PDZD8: variants seen among roughly 807,000 people sequenced by gnomAD.
PDZD8 encodes the protein PDZ domain containing 8.
In PDZD8, 14 loss-of-function variants were observed where a neutral mutation model predicts 85.8. The ratio of observed to expected loss-of-function variants is 0.16; its 90% CI spans 0.11 to 0.26. PDZD8 has a LOEUF of 0.26. Among genes scored for constraint, PDZD8 ranks in the 10% least tolerant of loss-of-function variants. PDZD8 has a pLI of 1.00. For synonymous variants in PDZD8, 592 were observed against 568.6 expected, an observed-to-expected ratio of 1.04 and a Z score of -0.59; for missense variants, 1,197 against 1,424.3, an observed-to-expected ratio of 0.84 and a Z score of 2.57.
At chr10:117,285,527 C>T (rs1047378249) in intron 4 of PDZD8, 56 bp from the exon 5 acceptor site, 12 of 1,419,998 alleles carry the variant, frequency 8.5e-6, no homozygotes, top group Non-Finnish European at 1.0e-5. Context: ...GAAATTACTA[C>T]ATTTGTTAAA....
At position 117,294,094 on chromosome 10, in the gene PDZD8, G is replaced by GA. The variant is rs1271478392; in HGVS notation, c.1099-3747dup. ...TAGTTTTAAATGCTTATATAGGGGG[G>GA]AAAATCTAAAATTAGTGACCTAAGT... On this transcript the variant is annotated intron_variant, in intron 3 of 4. Coordinates refer to ENST00000334464, the MANE Select transcript of PDZD8 (RefSeq NM_173791.5). Among the ~76,000 whole-genome samples, 4 of 152,096 alleles carry GA rather than the reference G, an allele frequency of 2.6e-5. No individual in the cohort carries two copies. In the East Asian group the frequency reaches 7.7e-4, roughly 29 times the overall value.
intron 1 of PDZD8, among the ~76,000 whole-genome samples, chr10:117,373,425 C>T (rs947235320): frequency 6.6e-6 from 1 of 151,994 alleles, no homozygotes; most frequent in African/African-American, 2.4e-5. Flanking sequence ...GTAAAGTACA[C>T]TATGTACAGG....
Position 117,341,082 on chromosome 10 carries a change from T to A in PDZD8, c.893A>T (p.Tyr298Phe). Residue 298 changes from tyrosine (Y) to phenylalanine (F), a missense_variant, in exon 2 of 5, where the codon TAC becomes TTC. This residue lies in a region of PDZD8 where 344 missense variants were observed against 453.6 expected (regional missense o/e 0.76). Coordinates refer to ENST00000334464, the MANE Select transcript of PDZD8 (RefSeq NM_173791.5). ...TTCTTCAAATCCTTGCAAGGTCTGG[T>A]ATGGAAAAAACGGCTTAAACCTGAC... ...YKIRFKPFFP[Y>F]QTLQGFEEDE... 6.2e-7 allele frequency: 1 copy of A among 1,613,624 alleles called. No individual in the cohort carries two copies. Among genetic ancestry groups the A allele is most frequent in the Non-Finnish European group, 8.5e-7 (1 of 1,179,614 alleles).
Position 117,278,737 on chromosome 10 carries a change from C to T in PDZD8, c.*4531G>A, listed in dbSNP as rs1367154343. On this transcript the variant is annotated 3_prime_UTR_variant, in exon 5 of 5. Transcript: ENST00000334464. Reference sequence around the variant, plus strand: ...CTTATTCTCTAGGAAAGTAACACTTCGTTTCATGAAGCTTTTCTGTGGGGC... The same window carrying T: ...CTTATTCTCTAGGAAAGTAACACTTTGTTTCATGAAGCTTTTCTGTGGGGC... The T allele has an allele frequency of 3.9e-5, 6 of 152,196 alleles. No homozygotes were observed. The highest frequency in any genetic ancestry group is 1.2e-4 in the African/African-American group (5 of 41,460). 9.4% of individuals were successfully genotyped at this position (152,196 alleles called of 1,614,324 possible).
Position 117,375,110 on chromosome 10 carries a change from G to A in PDZD8, c.118C>T (p.Arg40Cys). Reference protein sequence around the residue: ...QPEPPADEAARAGEGFRYIKP... With the variant: ...QPEPPADEAACAGEGFRYIKP... ...ATGTAGCGGAAGCCCTCGCCCGCGCGGGCGGCCTCGTCCGCCGGCGGCTCG... is the reference window on the plus strand; with the variant it reads ...ATGTAGCGGAAGCCCTCGCCCGCGCAGGCGGCCTCGTCCGCCGGCGGCTCG... The change falls in exon 1 of 5, where the codon CGC becomes TGC. Residue 40 changes from arginine to cysteine, a missense_variant. By Grantham distance (180) the Arg-to-Cys change is radical (BLOSUM62 -3). This residue lies in a region of PDZD8 where 172 missense variants were observed against 137.8 expected (regional missense o/e 1.25). Transcript: ENST00000334464. 1 of 1,594,498 alleles carries A rather than the reference G, an allele frequency of 6.3e-7. No individual in the cohort carries two copies. Among genetic ancestry groups the A allele is most frequent in the Non-Finnish European group, 8.5e-7 (1 of 1,175,754 alleles).
chr10:117,341,858 T>C (rs1844619039), intron 1 of PDZD8, among the ~76,000 whole-genome samples: 1 of 152,234 alleles, frequency 6.6e-6, no homozygotes. Flanking sequence ...ATGACTGTAA[T>C]AGCAACATCA....
chr10:117,341,232 A>C, intron 1 of PDZD8, 130 bp from the exon 2 acceptor site: 2 of 932,234 alleles, frequency 2.1e-6, no homozygotes, highest in Non-Finnish European at 3.1e-6. Context: ...TACAAAACCA[A>C]AGCTTACCAC....
chr10:117,370,919 TG>T (rs1845178483), intron 1 of PDZD8, among the ~76,000 whole-genome samples: 1 of 20,508 alleles, frequency 4.9e-5, no homozygotes, highest in Non-Finnish European at 1.2e-4. Flanking sequence ...CAACATAGTT[TG>T]TGTGTGTGTG....
intron 2 of PDZD8, among the ~76,000 whole-genome samples, chr10:117,324,456 A>T (rs183190097): frequency 6.6e-6 from 1 of 152,042 alleles, no homozygotes; most frequent in African/African-American, 2.4e-5. Flanking sequence ...ATTATAATGA[A>T]CTCTCATCAG....
intron 2 of PDZD8, among the ~76,000 whole-genome samples, chr10:117,322,331 C>T (rs1046670634): frequency 6.6e-6 from 1 of 152,104 alleles, no homozygotes; most frequent in Non-Finnish European, 1.5e-5. Context: ...TGCTGCTGAC[C>T]CCCCTTTTGG....
intron 3 of PDZD8, among the ~76,000 whole-genome samples, chr10:117,314,553 A>G (rs1589559938): frequency 6.6e-6 from 1 of 152,210 alleles, no homozygotes; most frequent in Non-Finnish European, 1.5e-5. Context: ...TCAGGGATGC[A>G]TCACTTCTTG....
intron 1 of PDZD8, among the ~76,000 whole-genome samples, chr10:117,345,417 A>C (rs1844687680): frequency 6.6e-6 from 1 of 152,196 alleles, no homozygotes; most frequent in South Asian, 2.1e-4. Flanking sequence ...ATTTGACTGG[A>C]ATAGTTTGTA....
intron 1 of PDZD8, among the ~76,000 whole-genome samples, chr10:117,363,259 A>G (rs959748355): frequency 1.3e-5 from 2 of 152,234 alleles, no homozygotes; most frequent in South Asian, 4.1e-4. Flanking sequence ...TGTTAGTATA[A>G]TCCCGTATGT....
chr10:117,325,549 C>T (rs528944503), intron 2 of PDZD8, among the ~76,000 whole-genome samples: 3 of 151,728 alleles, frequency 2.0e-5, no homozygotes, highest in South Asian at 2.1e-4. Context: ...ATTACAGGCG[C>T]GTGCCACCAT....
chr10:117,363,328 C>T (rs1845029228), intron 1 of PDZD8, among the ~76,000 whole-genome samples: 1 of 152,044 alleles, frequency 6.6e-6, no homozygotes, highest in South Asian at 2.1e-4. Flanking sequence ...ACACCAGATG[C>T]ACTATTCAGA....
At position 117,374,657 on chromosome 10, in the gene PDZD8, C is replaced by A; in HGVS notation, c.571G>T (p.Ala191Ser). 6.3e-7 allele frequency: 1 copy of A among 1,585,920 alleles called. No individual in the cohort carries two copies. Among genetic ancestry groups the A allele is most frequent in the Non-Finnish European group, 8.6e-7 (1 of 1,165,914 alleles). The change falls in exon 1 of 5, where the codon GCC becomes TCC. Residue 191 changes from alanine (A) to serine (S), a missense_variant. Physicochemically the swap from Ala to Ser is moderately conservative, Grantham distance 99. This residue lies in a region of PDZD8 where 344 missense variants were observed against 453.6 expected (regional missense o/e 0.76). Transcript: ENST00000334464. The surrounding 1 kb of genome is among the most constrained non-coding windows in gnomAD (Gnocchi z 7.8). ...TTGTACTCCACCTCCGCCTCGAAGG[C>A]CAGCTCCTCGGGGCAGGCGGCGGGC... ...ALPAACPEEL[A>S]FEAEVEYNGG...
chr10:117,350,678 C>G (rs1377597801), intron 1 of PDZD8, among the ~76,000 whole-genome samples: 1 of 151,314 alleles, frequency 6.6e-6, no homozygotes, highest in Non-Finnish European at 1.5e-5. Context: ...CCGAGGCAGG[C>G]GGATCACAAA....
intron 2 of PDZD8, among the ~76,000 whole-genome samples, chr10:117,334,585 T>TTATA: frequency 6.6e-6 from 1 of 151,166 alleles, no homozygotes; most frequent in East Asian, 1.9e-4. Flanking sequence ...AATGCAGCCA[T>TTATA]TATATATATA....
At chr10:117,291,544 G>A (rs1157745598) in intron 3 of PDZD8, among the ~76,000 whole-genome samples, 1 of 143,006 alleles carries the variant, frequency 7.0e-6, no homozygotes. Context: ...AAAAAAAAGA[G>A]TTATCATGTG....
Sources: gnomAD v4.1 joint callset for allele counts (sites outside exome capture counted in the v4.1 genomes callset) on GRCh38, gnomAD v4.1.1 for gene constraint, gnomAD v4.1.1 regional missense constraint, Gnocchi (gnomAD v3.1) non-coding constraint, MANE v1.5 for transcripts, NCBI Gene and HGNC (gene_info 2026-07-23, HGNC 2026-07-21) for gene names.